GSE1: variants seen among roughly 807,000 people sequenced by gnomAD.
GSE1 encodes Gse1 coiled-coil protein.
A neutral mutation model predicts 112.6 loss-of-function variants in GSE1; 32 were observed. The ratio of observed to expected loss-of-function variants is 0.28; its 90% CI spans 0.21 to 0.38. The LOEUF (loss-of-function observed/expected upper bound fraction) is 0.38. GSE1 is among the 10% of genes least tolerant of loss of function. The probability of loss-of-function intolerance (pLI) is 1.00; values close to 1 mark genes in which losing one functional copy is unlikely to be tolerated. For missense variants in GSE1, 2,348 were observed against 1,699.2 expected (o/e 1.38, Z -6.71); for synonymous variants, 1,115 against 735.6 (o/e 1.52, Z -8.35).
chr16:85,176,032 A>G (rs1323123037), intron 1 of GSE1, among the ~76,000 whole-genome samples: 1 of 151,222 alleles, frequency 6.6e-6, no homozygotes, highest in Non-Finnish European at 1.5e-5. Context: ...TCTGTTGCCC[A>G]GGCTGGCGTG....
intron 9 of GSE1, 23 bp from the exon 10 acceptor site, chr16:85,662,958 G>A (rs768202366): frequency 8.8e-6 from 13 of 1,476,322 alleles, no homozygotes; most frequent in Middle Eastern, 1.7e-4. Flanking sequence ...TTGTCTGGCT[G>A]AATACAACCA....
intron 1 of GSE1, among the ~76,000 whole-genome samples, chr16:85,628,469 G>A (rs80061653): frequency 0.015 from 2,210 of 152,262 alleles, 47 homozygotes; most frequent in South Asian, 0.061. Flanking sequence ...GGATGCCAGT[G>A]GGCTGGTGAT....
At chr16:85,493,790 C>CAAAAAAA (rs61555687) in intron 2 of GSE1, among the ~76,000 whole-genome samples, 1 of 84,438 alleles carries the variant, frequency 1.2e-5, no homozygotes, top group Non-Finnish European at 2.3e-5. Context: ...GACTCCGTCT[C>CAAAAAAA]AAAAAAAAAA....
At chr16:85,332,824 A>G (rs1035740300) in intron 1 of GSE1, among the ~76,000 whole-genome samples, 1 of 151,972 alleles carries the variant, frequency 6.6e-6, no homozygotes, top group African/African-American at 2.4e-5. Flanking sequence ...TTGTCTTTTG[A>G]GTGCCCTTCA....
chr16:85,402,006 T>A (rs1015873743), intron 2 of GSE1, among the ~76,000 whole-genome samples: 1 of 152,168 alleles, frequency 6.6e-6, no homozygotes, highest in Non-Finnish European at 1.5e-5. Flanking sequence ...GCAGCTGCGC[T>A]CCATGCCAGG....
upstream of GSE1, chr16:85,611,432 C>T (rs1214302371): frequency 4.1e-6 from 4 of 982,562 alleles, no homozygotes; most frequent in Non-Finnish European, 4.8e-6. Context: ...TAAATTATAG[C>T]GTCCGGCCAA....
At chr16:85,360,487 C>A (rs2047043404) in intron 2 of GSE1, among the ~76,000 whole-genome samples, 1 of 152,204 alleles carries the variant, frequency 6.6e-6, no homozygotes, top group African/African-American at 2.4e-5. Context: ...GCATGTCCCG[C>A]AGTCAGGCCC....
At chr16:85,374,539 TGTGTGCGC>T (rs779135905) in intron 2 of GSE1, among the ~76,000 whole-genome samples, 10 of 37,648 alleles carry the variant, frequency 2.7e-4, no homozygotes, top group South Asian at 1.0e-3. Flanking sequence ...TGTGTGTGTG[TGTGTGCGC>T]GCGCGCGTGC....
chr16:85,199,813 C>T (rs2074995510), intron 1 of GSE1, among the ~76,000 whole-genome samples: 1 of 152,070 alleles, frequency 6.6e-6, no homozygotes, highest in Non-Finnish European at 1.5e-5. Flanking sequence ...GGCTGGCAGA[C>T]CCCCGTGTGG....
At position 85,663,448 on chromosome 16, in the gene GSE1, C is replaced by G; in HGVS notation, c.2478C>G (p.Ser826Arg). The change falls in exon 11 of 16, where the codon AGC becomes AGG. Residue 826 changes from serine to arginine, a missense_variant. By Grantham distance (110) the Ser-to-Arg change is moderately radical. Transcript: ENST00000253458. ...GGCGGAGGATGCTGCGAGAGAGAAG[C>G]CCGTCGCCCCCAACAATTCAGAGCA... ...RKRRRMLRER[S>R]PSPPTIQSKR... The G allele has an allele frequency of 6.2e-7, 1 of 1,613,894 alleles. No homozygotes were observed. Among genetic ancestry groups the G allele is most frequent in the Non-Finnish European group, 8.5e-7 (1 of 1,180,024 alleles).
chr16:85,247,884 G>C (rs1906033035), intron 1 of GSE1, among the ~76,000 whole-genome samples: 1 of 152,242 alleles, frequency 6.6e-6, no homozygotes, highest in Admixed American at 6.5e-5. Context: ...GCATGCACCT[G>C]AAGGCCCTTT....
At chr16:85,449,273 G>T (rs891952987) in intron 2 of GSE1, among the ~76,000 whole-genome samples, 1 of 152,234 alleles carries the variant, frequency 6.6e-6, no homozygotes, top group Non-Finnish European at 1.5e-5. Flanking sequence ...TTCAAGAGGC[G>T]CCAGGCAGCT....
At chr16:85,499,336 A>G in intron 2 of GSE1, among the ~76,000 whole-genome samples, 1 of 108,374 alleles carries the variant, frequency 9.2e-6, no homozygotes, top group African/African-American at 3.6e-5. Flanking sequence ...TTTGAGACAG[A>G]GTCTCACTCA....
intron 1 of GSE1, among the ~76,000 whole-genome samples, chr16:85,209,091 T>G (rs1277915177): frequency 6.6e-6 from 1 of 151,352 alleles, no homozygotes; most frequent in Non-Finnish European, 1.5e-5. Flanking sequence ...TGTGTTGGGG[T>G]CTGCCGCGTG....
At chr16:85,639,634 T>C (rs2050279936) in intron 2 of GSE1, among the ~76,000 whole-genome samples, 1 of 152,252 alleles carries the variant, frequency 6.6e-6, no homozygotes, top group Admixed American at 6.5e-5. Context: ...AGCCAGGCCC[T>C]GTGCTTCCAG....
At chr16:85,279,708 G>A (rs1273678672) in intron 1 of GSE1, among the ~76,000 whole-genome samples, 2 of 152,150 alleles carry the variant, frequency 1.3e-5, no homozygotes, top group African/African-American at 4.8e-5. Flanking sequence ...GCTCCATGGG[G>A]CCTCCTGAGC....
At chr16:85,209,184 G>A (rs910333030) in intron 1 of GSE1, among the ~76,000 whole-genome samples, 1 of 152,208 alleles carries the variant, frequency 6.6e-6, no homozygotes, top group South Asian at 2.1e-4. Context: ...GCCCTGGCCT[G>A]CAGAAGCTGC....
intron 2 of GSE1, among the ~76,000 whole-genome samples, chr16:85,640,618 G>C (rs973777093): frequency 6.6e-6 from 1 of 152,256 alleles, no homozygotes; most frequent in African/African-American, 2.4e-5. Flanking sequence ...CCACGGAGCA[G>C]GGACCACAGA....
intron 1 of GSE1, among the ~76,000 whole-genome samples, chr16:85,630,077 C>T (rs1485437355): frequency 2.6e-5 from 4 of 152,194 alleles, no homozygotes; most frequent in African/African-American, 9.7e-5. Context: ...GCCAAGGTGG[C>T]TTCTCACATG....
Sources: gnomAD v4.1 joint callset for allele counts (sites outside exome capture counted in the v4.1 genomes callset) on GRCh38, gnomAD v4.1.1 for gene constraint, MANE v1.5 for transcripts, NCBI Gene and HGNC (gene_info 2026-07-23, HGNC 2026-07-21) for gene names.